The following STK32B variants were observed in gnomAD, a reference collection of about 807,000 sequenced individuals.
STK32B encodes the protein serine/threonine-protein kinase 32B.
In STK32B, 43 loss-of-function variants were observed where a neutral mutation model predicts 52.6. The ratio of observed to expected loss-of-function variants is 0.82; its 90% CI spans 0.64 to 1.05. STK32B has a LOEUF of 1.05. STK32B is among the 50% of genes least tolerant of loss of function. STK32B has a pLI of 0.00. For synonymous variants in STK32B, 238 were observed against 204.3 expected (o/e 1.17, Z -1.41); for missense variants, 621 against 534.6 (o/e 1.16, Z -1.59).
chr4:5,323,954 C>T (rs1577349021), intron 3 of STK32B, among the ~76,000 whole-genome samples: 1 of 152,220 alleles, frequency 6.6e-6, no homozygotes, highest in East Asian at 1.9e-4. Flanking sequence ...TCATCTTGGA[C>T]ATGTTACTTA....
At chr4:5,162,690 G>A (rs1718539343) in intron 2 of STK32B, among the ~76,000 whole-genome samples, 1 of 152,222 alleles carries the variant, frequency 6.6e-6, no homozygotes, top group African/African-American at 2.4e-5. Context: ...GGGTGGCTTT[G>A]GCCAGATTGC....
intron 11 of STK32B, among the ~76,000 whole-genome samples, chr4:5,493,743 G>C (rs1197048788): frequency 2.0e-5 from 3 of 152,184 alleles, no homozygotes; most frequent in African/African-American, 7.2e-5. Flanking sequence ...TCTACACACT[G>C]CTTTGAATGT....
chr4:5,414,049 CAATT>C (rs1404118804), intron 5 of STK32B, among the ~76,000 whole-genome samples: 1 of 152,062 alleles, frequency 6.6e-6, no homozygotes, highest in Non-Finnish European at 1.5e-5. Flanking sequence ...ACAAGACAAA[CAATT>C]AAGCAAGCAA....
At chr4:5,046,455 G>A in the STK32B span, among the ~76,000 whole-genome samples, 1 of 152,100 alleles carries the variant, frequency 6.6e-6, no homozygotes, top group African/African-American at 2.4e-5. Context: ...CATAAGCATG[G>A]GCAAAGATTT....
At chr4:5,126,514 C>T (rs1303806209) in intron 1 of STK32B, among the ~76,000 whole-genome samples, 1 of 152,228 alleles carries the variant, frequency 6.6e-6, no homozygotes, top group Admixed American at 6.5e-5. Context: ...GTCTCACTGT[C>T]TAGTGCTGCC....
intron 4 of STK32B, among the ~76,000 whole-genome samples, chr4:5,331,891 T>G (rs906264635): frequency 6.6e-6 from 1 of 152,220 alleles, no homozygotes; most frequent in African/African-American, 2.4e-5. Flanking sequence ...TTCTCCCTGC[T>G]ATGCACAGCA....
At chr4:5,051,955 A>C (rs1741804385) in intron 1 of STK32B, 40 bp downstream of exon 1, 3 of 1,558,326 alleles carry the variant, frequency 1.9e-6, no homozygotes, top group Non-Finnish European at 2.6e-6. Context: ...TTCGCGGGGC[A>C]TCCCCTTCCT....
chr4:5,116,622 G>A (rs1002671745), intron 1 of STK32B, among the ~76,000 whole-genome samples: 3 of 152,010 alleles, frequency 2.0e-5, no homozygotes, highest in Non-Finnish European at 4.4e-5. Flanking sequence ...AACTAGTTGG[G>A]GTCTTTTGTG....
chr4:5,260,068 C>T (rs1726604488), intron 3 of STK32B, among the ~76,000 whole-genome samples: 1 of 144,286 alleles, frequency 6.9e-6, no homozygotes, highest in South Asian at 2.1e-4. Flanking sequence ...CATATGCAAA[C>T]ATACACACAT....
chr4:5,433,242 A>G (rs1271018878), intron 6 of STK32B, among the ~76,000 whole-genome samples: 2 of 152,210 alleles, frequency 1.3e-5, no homozygotes, highest in East Asian at 3.9e-4. Context: ...ATGGTCAAAT[A>G]CAAAGGCGGA....
intron 2 of STK32B, 187 bp downstream of exon 2, chr4:5,140,147 A>G (rs939300041): frequency 4.2e-6 from 6 of 1,430,252 alleles, no homozygotes; most frequent in Non-Finnish European, 5.7e-6. Context: ...TGGAAATTAA[A>G]TTACCACAAC....
chr4:5,103,112 GC>G (rs1713916620), intron 1 of STK32B, among the ~76,000 whole-genome samples: 1 of 151,294 alleles, frequency 6.6e-6, no homozygotes, highest in African/African-American at 2.4e-5. Flanking sequence ...AAGTAAAATT[GC>G]CCTTAGAATC....
chr4:5,110,272 CAAAAAAAAAA>C (rs367760309), intron 1 of STK32B, among the ~76,000 whole-genome samples: 34 of 106,724 alleles, frequency 3.2e-4, no homozygotes, highest in African/African-American at 1.1e-3. Flanking sequence ...CATATGGAAC[CAAAAAAAAAA>C]AAAAAAAAGC....
intron 11 of STK32B, among the ~76,000 whole-genome samples, chr4:5,494,390 A>ATT (rs781695651): frequency 2.1e-4 from 32 of 151,002 alleles, no homozygotes; most frequent in Non-Finnish European, 4.3e-4. Context: ...AGAGATTGGG[A>ATT]TTGCAACCCC....
intron 3 of STK32B, among the ~76,000 whole-genome samples, chr4:5,268,477 G>A (rs540042742): frequency 9.3e-5 from 14 of 151,292 alleles, no homozygotes; most frequent in East Asian, 1.9e-4. Flanking sequence ...CTGTTTTCCC[G>A]TCTCCTTTGG....
At chr4:5,291,740 A>G (rs1360557733) in intron 3 of STK32B, among the ~76,000 whole-genome samples, 2 of 152,112 alleles carry the variant, frequency 1.3e-5, no homozygotes, top group African/African-American at 4.8e-5. Flanking sequence ...CTTAAGGGGA[A>G]AGCATTCAGT....
intron 9 of STK32B, among the ~76,000 whole-genome samples, chr4:5,465,180 GAC>G (rs1481548680): frequency 1.3e-5 from 2 of 152,184 alleles, no homozygotes; most frequent in African/African-American, 4.8e-5. Flanking sequence ...GCCCACGAAT[GAC>G]ACAGTGACAA....
chr4:5,147,787 C>A (rs1402166410), intron 2 of STK32B, among the ~76,000 whole-genome samples: 1 of 151,828 alleles, frequency 6.6e-6, no homozygotes, highest in Non-Finnish European at 1.5e-5. Flanking sequence ...ATACCTTATT[C>A]TTTTTATGTT....
At chr4:5,479,514 C>T (rs771113430) in intron 11 of STK32B, among the ~76,000 whole-genome samples, 3 of 152,140 alleles carry the variant, frequency 2.0e-5, no homozygotes, top group Non-Finnish European at 4.4e-5. Context: ...AGACCTAAGG[C>T]CAGTGGAGGT....
Sources: gnomAD v4.1 joint callset for allele counts (sites outside exome capture counted in the v4.1 genomes callset) on GRCh38, gnomAD v4.1.1 for gene constraint, MANE v1.5 for transcripts, NCBI Gene and HGNC (gene_info 2026-07-23, HGNC 2026-07-21) for gene names.